The following C10orf67 variants were observed in gnomAD, a reference collection of about 807,000 sequenced individuals.
The protein encoded by C10orf67 is uncharacterized protein C10orf67, mitochondrial.
In C10orf67, 60 loss-of-function variants were observed where a neutral mutation model predicts 35.6. That is an observed-to-expected ratio of 1.68 (90% CI 1.37 to 2.09). The LOEUF is 2.09. Among genes scored for constraint, C10orf67 ranks in the 30% most tolerant of loss-of-function variants. The pLI is 0.00. For missense variants in C10orf67, 474 were observed against 330.2 expected (o/e 1.44, Z -3.38); for synonymous variants, 167 against 115.8 (o/e 1.44, Z -2.84).
chr10:23,282,801 AG>A (rs1027267117), intron 7 of C10orf67, among the ~76,000 whole-genome samples: 1 of 152,226 alleles, frequency 6.6e-6, no homozygotes, highest in African/African-American at 2.4e-5. Flanking sequence ...ACTGCACTCC[AG>A]CCTAGAAACA....
At chr10:23,293,208 A>C (rs1301953275) in intron 5 of C10orf67, among the ~76,000 whole-genome samples, 1 of 152,216 alleles carries the variant, frequency 6.6e-6, no homozygotes, top group African/African-American at 2.4e-5. Flanking sequence ...TACGGGTTCT[A>C]AGAATCTCTT....
chr10:23,344,562 A>G lies in C10orf67; in HGVS notation c.206+7T>C. On this transcript the variant is annotated splice_region_variant and intron_variant, in intron 1 of 15. Transcript: ENST00000636213. The stretch of plus-strand genomic sequence containing the variant: ...CCTCCTCTACCCAGGCGCGGAGCTC[A>G]GCCTACCTCGTGGACCCGCGCATTT... 6.4e-7 allele frequency: 1 copy of G among 1,569,082 alleles called. No homozygotes were observed. The highest frequency in any genetic ancestry group is 8.6e-7 in the Non-Finnish European group (1 of 1,157,920).
chr10:23,232,146 A>G (rs58998391), intron 13 of C10orf67, among the ~76,000 whole-genome samples: 1 of 152,150 alleles, frequency 6.6e-6, no homozygotes, highest in Non-Finnish European at 1.5e-5. Flanking sequence ...GTTATTATCA[A>G]TCTTTAAATT....
At chr10:23,242,436 A>G (rs898916415) in intron 12 of C10orf67, among the ~76,000 whole-genome samples, 6 of 152,230 alleles carry the variant, frequency 3.9e-5, no homozygotes, top group African/African-American at 1.4e-4. Context: ...ACAAAAAATG[A>G]AAGAGAGCTA....
chr10:23,250,662 T>G lies in C10orf67; in HGVS notation c.1230A>C (p.Gln410His), dbSNP rs1050644811. The change falls in exon 11 of 16, where the codon CAA (glutamine) becomes CAC (histidine). Residue 410 changes from glutamine to histidine, a missense_variant. Gln to His is a conservative substitution (Grantham distance 24). Transcript: ENST00000636213. The part of the protein sequence containing the change: ...VVEDKHGLES[Q>H]IEALKANLEN... ...CTAAATTTGCCTTTAATGCTTCTAT[T>G]TGAGACTCCAAACCATGTTTGTCTT... is the stretch of plus-strand genomic sequence containing the variant. The G allele has an allele frequency of 2.5e-6, 1 of 398,666 alleles. No homozygotes were observed. Among genetic ancestry groups the G allele is most frequent in the African/African-American group, 2.1e-5 (1 of 48,742 alleles). 24.7% of individuals were successfully genotyped at this position (398,666 alleles called of 1,614,324 possible). A position where few individuals can be genotyped will look rare whatever the true frequency, so the allele number is the denominator to read the frequency against.
intron 4 of C10orf67, among the ~76,000 whole-genome samples, chr10:23,308,208 T>G (rs1844360349): frequency 6.6e-6 from 1 of 152,224 alleles, no homozygotes; most frequent in Non-Finnish European, 1.5e-5. Context: ...CCCCTAATTC[T>G]GTACCAAACC....
intron 13 of C10orf67, among the ~76,000 whole-genome samples, chr10:23,228,093 A>T (rs1841794119): frequency 6.6e-6 from 1 of 152,224 alleles, no homozygotes; most frequent in Non-Finnish European, 1.5e-5. Context: ...AAACTACTTT[A>T]AAGTTCATAT....
chr10:23,328,993 C>CAAAAAAAAAAAAAAAAAAAGA (rs1845312488), intron 2 of C10orf67, among the ~76,000 whole-genome samples: 5 of 78,732 alleles, frequency 6.4e-5, no homozygotes, highest in Admixed American at 1.5e-4. Flanking sequence ...CATAAACGAA[C>CAAAAAAAAAAAAAAAAAAAGA]AAAAAAAAAA....
intron 12 of C10orf67, among the ~76,000 whole-genome samples, chr10:23,241,318 C>A (rs981046181): frequency 9.9e-5 from 15 of 152,166 alleles, no homozygotes; most frequent in African/African-American, 2.7e-4. Context: ...TGAATTATAA[C>A]CAGAGTCTCA....
intron 15 of C10orf67, among the ~76,000 whole-genome samples, chr10:23,218,418 G>T (rs1426595765): frequency 1.3e-5 from 2 of 151,310 alleles, no homozygotes; most frequent in African/African-American, 4.9e-5. Context: ...AAAGTATTGG[G>T]ATTACAGGTG....
At chr10:23,325,952 T>C (rs1845178041) in intron 2 of C10orf67, among the ~76,000 whole-genome samples, 1 of 151,918 alleles carries the variant, frequency 6.6e-6, no homozygotes, top group South Asian at 2.1e-4. Flanking sequence ...AGAACAAAGA[T>C]GGCAGAAAAA....
chr10:23,305,457 A>G (rs1421299144), intron 4 of C10orf67, among the ~76,000 whole-genome samples: 1 of 152,198 alleles, frequency 6.6e-6, no homozygotes, highest in Admixed American at 6.5e-5. Context: ...GAGCAACATA[A>G]CAAGACATCC....
chr10:23,251,593 A>G (rs1054486849), intron 10 of C10orf67, among the ~76,000 whole-genome samples: 1 of 152,188 alleles, frequency 6.6e-6, no homozygotes, highest in Non-Finnish European at 1.5e-5. Flanking sequence ...GAATAATACT[A>G]AAGAGGCAAT....
chr10:23,322,327 T>C (rs1183870666), intron 3 of C10orf67, 67 bp downstream of exon 3: 1 of 1,492,302 alleles, frequency 6.7e-7, no homozygotes, highest in Admixed American at 2.0e-5. Flanking sequence ...AATTCTAAAC[T>C]GCACTGCATA....
At chr10:23,324,528 C>T (rs1845106304) in intron 2 of C10orf67, among the ~76,000 whole-genome samples, 1 of 152,182 alleles carries the variant, frequency 6.6e-6, no homozygotes, top group African/African-American at 2.4e-5. Flanking sequence ...TGATCCCAAT[C>T]AAGCCATTCT....
chr10:23,268,023 T>C, intron 8 of C10orf67, among the ~76,000 whole-genome samples: 1 of 151,900 alleles, frequency 6.6e-6, no homozygotes, highest in Non-Finnish European at 1.5e-5. Context: ...TGCAGTGGCT[T>C]ATGCCTGTAA....
chr10:23,271,868 T>G (rs1322934427), intron 8 of C10orf67, among the ~76,000 whole-genome samples: 2 of 152,250 alleles, frequency 1.3e-5, no homozygotes, highest in Non-Finnish European at 2.9e-5. Flanking sequence ...CTCTGTGGTT[T>G]GTTTTTTCAT....
intron 12 of C10orf67, among the ~76,000 whole-genome samples, chr10:23,246,592 G>T (rs1842321916): frequency 6.6e-6 from 1 of 152,136 alleles, no homozygotes; most frequent in South Asian, 2.1e-4. Context: ...GTCATGCACT[G>T]CATAATGATG....
At chr10:23,249,007 G>A (rs1842381111) in intron 12 of C10orf67, among the ~76,000 whole-genome samples, 1 of 151,496 alleles carries the variant, frequency 6.6e-6, no homozygotes. Context: ...GTGGGCGCCT[G>A]TAATCCCAGC....
Sources: gnomAD v4.1 joint callset for allele counts (sites outside exome capture counted in the v4.1 genomes callset) on GRCh38, gnomAD v4.1.1 for gene constraint, MANE v1.5 for transcripts, NCBI Gene and HGNC (gene_info 2026-07-23, HGNC 2026-07-21) for gene names.